Variants in RBM39 observed in about 807,000 individuals in gnomAD.
RBM39 encodes the protein RNA-binding protein 39.
RBM39 carries 12 observed loss-of-function variants against 79.6 expected under a neutral mutation model. The observed-to-expected ratio is 0.15, with a 90% confidence interval of 0.10 to 0.24. The LOEUF is 0.24. Ranked by LOEUF, RBM39 falls within the 10% of genes least tolerant of loss-of-function variation. The pLI is 1.00. For synonymous variants in RBM39, 185 were observed against 208.4 expected (o/e 0.89, Z 0.97); for missense variants, 243 against 653.4 (o/e 0.37, Z 6.85).
rs190678332 is a variant in RBM39, at chr20:35,722,329, C to A, written c.688-452G>T. Among the ~76,000 whole-genome samples the A allele has an allele frequency of 4.8e-3, 723 of 151,314 alleles. 7 individuals are homozygous for A. Among genetic ancestry groups the A allele is most frequent in the Admixed American group, 8.5e-3 (130 of 15,212 alleles). On this transcript the variant is annotated intron_variant, in intron 8 of 16. Coordinates refer to ENST00000253363, the MANE Select transcript of RBM39 (RefSeq NM_184234.3). ...GGCTGAGGCAGGAGAATGGCATGAACCCAGGAGGCAGAGCTTGCAGTGAGA... is the reference window on the plus strand; with the variant it reads ...GGCTGAGGCAGGAGAATGGCATGAAACCAGGAGGCAGAGCTTGCAGTGAGA...
At chr20:35,705,564 G>A (rs368082425) in intron 14 of RBM39, among the ~76,000 whole-genome samples, 7 of 152,190 alleles carry the variant, frequency 4.6e-5, no homozygotes, top group South Asian at 4.1e-4. Context: ...TTGGGAGGCC[G>A]AAGTGGGCAG....
At chr20:35,730,419 T>G (rs992837326) in intron 4 of RBM39, among the ~76,000 whole-genome samples, 8 of 152,204 alleles carry the variant, frequency 5.3e-5, no homozygotes, top group African/African-American at 1.9e-4. Context: ...ATGAACACCA[T>G]GCCTACCTAC....
At position 35,702,149 on chromosome 20, in the gene RBM39, T is replaced by G. The variant is rs1000885499; in HGVS notation, c.*2332A>C. 6.6e-6 allele frequency: 1 copy of G among 152,238 alleles called. No individual in the cohort carries two copies. Among genetic ancestry groups the G allele is most frequent in the African/African-American group, 2.4e-5 (1 of 41,460 alleles). 9.4% of individuals were successfully genotyped at this position (152,238 alleles called of 1,614,324 possible). On this transcript the variant is annotated 3_prime_UTR_variant, in exon 17 of 17. Transcript: ENST00000253363. ...CAGACCCTGGAGTTACTAACCCGCA[T>G]TGCCCATTAAGCATTTCTTAAACAG... is the stretch of plus-strand genomic sequence containing the variant.
At position 35,722,869 on chromosome 20, in the gene RBM39, G is replaced by T. The variant is rs987051097; in HGVS notation, c.688-992C>A. Among the ~76,000 whole-genome samples the T allele has an allele frequency of 2.6e-5, 4 of 151,482 alleles. No individual in the cohort carries two copies. In the South Asian group the frequency reaches 8.3e-4, roughly 32 times the overall value. ...GAATGGCGTGAACCCAGGAGACGGAGCTTGCAGTGAGCCAAGATCGCCCCA... is the reference window on the plus strand; with the variant it reads ...GAATGGCGTGAACCCAGGAGACGGATCTTGCAGTGAGCCAAGATCGCCCCA... On this transcript the variant is annotated intron_variant, in intron 8 of 16. Coordinates refer to ENST00000253363, the MANE Select transcript of RBM39 (RefSeq NM_184234.3).
chr20:35,725,007 T>C, intron 7 of RBM39, 31 bp downstream of exon 7: 1 of 1,433,358 alleles, frequency 7.0e-7, no homozygotes, highest in South Asian at 1.2e-5. Flanking sequence ...AATTTCTACC[T>C]ACTTGACCTC....
At chr20:35,725,657 CTTTT>C (rs773506913) in intron 6 of RBM39, among the ~76,000 whole-genome samples, 63 of 122,210 alleles carry the variant, frequency 5.2e-4, no homozygotes, top group Non-Finnish European at 8.7e-4. Flanking sequence ...AACCCATTTT[CTTTT>C]TTTTTTTTTT....
intron 8 of RBM39, among the ~76,000 whole-genome samples, chr20:35,722,195 C>T (rs1220932741): frequency 6.6e-6 from 1 of 151,970 alleles, no homozygotes; most frequent in African/African-American, 2.4e-5. Context: ...ATCACGACAT[C>T]AAGAGATCAA....
chr20:35,719,027 T>C (rs2037550910), intron 9 of RBM39, among the ~76,000 whole-genome samples: 1 of 152,110 alleles, frequency 6.6e-6, no homozygotes, highest in Non-Finnish European at 1.5e-5. Context: ...TGCTACATTA[T>C]GTTTACTGGA....
chr20:35,729,406 C>A, intron 5 of RBM39, 41 bp from the exon 6 acceptor site: 1 of 1,605,710 alleles, frequency 6.2e-7, no homozygotes, highest in African/African-American at 1.3e-5. Context: ...CAAACAAGTA[C>A]AGCATGTTAG....
intron 14 of RBM39, among the ~76,000 whole-genome samples, chr20:35,705,725 G>A (rs371897733): frequency 6.6e-6 from 1 of 151,806 alleles, no homozygotes. Context: ...TTGAGCCTAG[G>A]AGGCTGAGGT....
chr20:35,725,509 G>C (rs190041215), intron 6 of RBM39, among the ~76,000 whole-genome samples: 1 of 152,258 alleles, frequency 6.6e-6, no homozygotes. Context: ...TCGAACTCCT[G>C]ACCTCAGATG....
intron 3 of RBM39, chr20:35,736,430 C>CAA (rs559695341): frequency 8.3e-4 from 223 of 268,740 alleles, no homozygotes; most frequent in African/African-American, 2.7e-3. Context: ...AGGGGAACTA[C>CAA]AAAAAAAAAA....
At chr20:35,719,562 AGCTACTCAGGAG>A (rs2037634603) in intron 9 of RBM39, among the ~76,000 whole-genome samples, 1 of 151,904 alleles carries the variant, frequency 6.6e-6, no homozygotes, top group Non-Finnish European at 1.5e-5. Context: ...CTGTAATCCC[AGCTACTCAGGAG>A]GCTGAGGCAG....
intron 10 of RBM39, among the ~76,000 whole-genome samples, chr20:35,715,860 C>T (rs2037052491): frequency 6.6e-6 from 1 of 152,000 alleles, no homozygotes; most frequent in African/African-American, 2.4e-5. Flanking sequence ...TCTGTTACTT[C>T]ACAGGATGTC....
intron 13 of RBM39, 186 bp from the exon 14 acceptor site, chr20:35,707,387 G>A (rs1215007826): frequency 2.6e-6 from 1 of 391,150 alleles, no homozygotes; most frequent in South Asian, 4.6e-5. Flanking sequence ...AGAAAACTGA[G>A]GTAACCTAAT....
intron 8 of RBM39, among the ~76,000 whole-genome samples, chr20:35,722,658 G>C (rs2038119286): frequency 6.6e-6 from 1 of 151,708 alleles, no homozygotes; most frequent in Non-Finnish European, 1.5e-5. Flanking sequence ...GGCTGGCCGG[G>C]TGCAGTGTCT....
chr20:35,741,030 C>CTTTCTTTTTT, intron 1 of RBM39, 143 bp from the exon 2 acceptor site: 1 of 123,790 alleles, frequency 8.1e-6, no homozygotes, highest in South Asian at 6.6e-5. Context: ...AAACATTTTT[C>CTTTCTTTTTT]TTTTTTTTTT....
At chr20:35,726,200 C>T (rs186863163) in intron 6 of RBM39, among the ~76,000 whole-genome samples, 20 of 151,746 alleles carry the variant, frequency 1.3e-4, no homozygotes, top group African/African-American at 3.9e-4. Context: ...GGCGCAATCT[C>T]GGCTCACTGC....
At chr20:35,731,766 G>T in intron 4 of RBM39, 175 bp downstream of exon 4, 1 of 679,912 alleles carries the variant, frequency 1.5e-6, no homozygotes, top group Non-Finnish European at 2.5e-6. Context: ...TTACTTATTT[G>T]TCTATGCACT....
Sources: allele counts gnomAD v4.1 joint callset (sites outside exome capture counted in the v4.1 genomes callset), GRCh38; gene constraint gnomAD v4.1.1; transcripts MANE v1.5; gene names NCBI Gene and HGNC (gene_info 2026-07-23, HGNC 2026-07-21).